The following COL25A1 variants were observed in gnomAD, a reference collection of about 807,000 sequenced individuals.
The protein encoded by COL25A1 is collagen alpha-1(XXV) chain.
COL25A1 carries 103 observed loss-of-function variants against 128.4 expected under a neutral mutation model. The observed-to-expected ratio is 0.80, with a 90% CI of 0.68 to 0.94. The LOEUF is 0.94. Ranked by LOEUF, COL25A1 falls within the 40% of genes least tolerant of loss-of-function variation. The pLI, the probability that COL25A1 is intolerant of heterozygous loss-of-function variation, is 0.00. For synonymous variants in COL25A1, 279 were observed against 277.2 expected (o/e 1.01, Z -0.06); for missense variants, 745 against 840.0 (o/e 0.89, Z 1.40).
intron 6 of COL25A1, among the ~76,000 whole-genome samples, chr4:108,976,675 G>A (rs538848136): frequency 6.6e-6 from 1 of 152,296 alleles, no homozygotes; most frequent in Non-Finnish European, 1.5e-5. Flanking sequence ...CCCCATCCTA[G>A]GGGCCAGTGG....
At chr4:109,170,556 T>A (rs1395708600) in intron 3 of COL25A1, among the ~76,000 whole-genome samples, 1 of 152,006 alleles carries the variant, frequency 6.6e-6, no homozygotes, top group Non-Finnish European at 1.5e-5. Flanking sequence ...AATCTGAACT[T>A]ATTCTAACTC....
intron 3 of COL25A1, among the ~76,000 whole-genome samples, chr4:109,169,781 A>G (rs1773420923): frequency 6.6e-6 from 1 of 152,174 alleles, no homozygotes; most frequent in Admixed American, 6.6e-5. Context: ...TTCCTTCAAA[A>G]GGGAAAAGAG....
chr4:109,136,157 G>A (rs1460392063), intron 3 of COL25A1, among the ~76,000 whole-genome samples: 1 of 152,088 alleles, frequency 6.6e-6, no homozygotes, highest in Non-Finnish European at 1.5e-5. Flanking sequence ...TAGCACTTTG[G>A]GAAGCCAAGG....
intron 3 of COL25A1, among the ~76,000 whole-genome samples, chr4:109,211,305 T>TATATAC (rs1412749318): frequency 1.9e-5 from 1 of 51,402 alleles, no homozygotes; most frequent in Non-Finnish European, 3.1e-5. Context: ...TATATATATA[T>TATATAC]ATATATATAT....
At chr4:108,859,077 G>C (rs995161741) in intron 24 of COL25A1, among the ~76,000 whole-genome samples, 1 of 152,088 alleles carries the variant, frequency 6.6e-6, no homozygotes, top group Non-Finnish European at 1.5e-5. Context: ...TTAATAAGAA[G>C]AAAAGAATTA....
At chr4:109,141,466 AT>A (rs745916281) in intron 3 of COL25A1, among the ~76,000 whole-genome samples, 21 of 152,076 alleles carry the variant, frequency 1.4e-4, no homozygotes, top group Admixed American at 2.6e-4. Flanking sequence ...GTTAGGGGAG[AT>A]TCCTTCTTTT....
rs1306243718 is a variant in COL25A1 at position 108,848,763 on chromosome 4, T to C, written c.1430A>G (p.Glu477Gly). 3.8e-6 allele frequency: 6 copies of C among 1,596,424 alleles called. No homozygotes were observed. In the African/African-American group the frequency reaches 8.0e-5, roughly 21 times the overall value. The change falls in exon 27 of 38, where the codon GAG (glutamate) becomes GGG (glycine). Residue 477 changes from glutamate to glycine, a missense_variant. This residue lies in a region of COL25A1 where 387 missense variants were observed against 441.9 expected (regional missense o/e 0.88). Transcript: ENST00000399132. Reference sequence around the variant, plus strand: ...GTATACATCTTTGAAAATTACCTGCTCTCCATCCATTCCTGGGATTCCTGG... The same window carrying C: ...GTATACATCTTTGAAAATTACCTGCCCTCCATCCATTCCTGGGATTCCTGG... ...GSPGIPGMDG[E>G]QGLKGSKGDM...
intron 3 of COL25A1, among the ~76,000 whole-genome samples, chr4:109,207,820 AAAGTT>A (rs1777135654): frequency 6.6e-6 from 1 of 152,214 alleles, no homozygotes; most frequent in Non-Finnish European, 1.5e-5. Flanking sequence ...CCAAATACTT[AAAGTT>A]ATGTTTTATA....
intron 3 of COL25A1, among the ~76,000 whole-genome samples, chr4:109,177,321 A>T (rs1774195641): frequency 1.3e-5 from 2 of 152,206 alleles, no homozygotes; most frequent in South Asian, 4.1e-4. Context: ...GTTAAAACGT[A>T]GTGTAAACAA....
At chr4:108,932,931 T>C (rs1209568922) in intron 11 of COL25A1, among the ~76,000 whole-genome samples, 1 of 152,178 alleles carries the variant, frequency 6.6e-6, no homozygotes, top group Non-Finnish European at 1.5e-5. Context: ...GCTCTCTCCT[T>C]ATTTAGATGG....
intron 3 of COL25A1, among the ~76,000 whole-genome samples, chr4:109,110,962 C>T (rs1235267460): frequency 6.6e-6 from 1 of 152,144 alleles, no homozygotes; most frequent in African/African-American, 2.4e-5. Flanking sequence ...AAAGAAGTTC[C>T]AGAGTGATCT....
chr4:109,013,754 C>G (rs916219752), intron 5 of COL25A1, among the ~76,000 whole-genome samples: 1 of 152,166 alleles, frequency 6.6e-6, no homozygotes, highest in Non-Finnish European at 1.5e-5. Context: ...ACCACGAACC[C>G]AACCGAAGGA....
chr4:108,893,790 G>T (rs1245648397), intron 16 of COL25A1, among the ~76,000 whole-genome samples: 2 of 152,050 alleles, frequency 1.3e-5, no homozygotes, highest in Non-Finnish European at 2.9e-5. Context: ...TTTCCAACAT[G>T]CTGGAAACAA....
At chr4:109,203,176 A>G (rs1776707989) in intron 3 of COL25A1, among the ~76,000 whole-genome samples, 1 of 152,162 alleles carries the variant, frequency 6.6e-6, no homozygotes, top group Non-Finnish European at 1.5e-5. Flanking sequence ...ACAAAATTAC[A>G]GATAGAAAAA....
intron 3 of COL25A1, among the ~76,000 whole-genome samples, chr4:109,108,185 C>G (rs1391122789): frequency 3.3e-5 from 5 of 152,166 alleles, no homozygotes; most frequent in Non-Finnish European, 7.4e-5. Context: ...TCCGGCTCCC[C>G]CCACCCCACA....
chr4:109,285,299 GAGA>G (rs1723770377), intron 3 of COL25A1, among the ~76,000 whole-genome samples: 1 of 152,122 alleles, frequency 6.6e-6, no homozygotes, highest in Non-Finnish European at 1.5e-5. Flanking sequence ...GCTATATAAA[GAGA>G]AGAATTTCAA....
In COL25A1 at chr4:108,817,433, C is replaced by T. The variant is rs771902612; in HGVS notation, c.1926G>A (p.Gly642=). ...AGCCAGGCATGGGTAAGCCATCTGG[C>T]CCCTGTTTTAAAGAGAAGAAAAAGA... is the stretch of plus-strand genomic sequence containing the variant. ...LDGLDAPCQL[G]PDGLPMPGCW... Residue 642 remains glycine, a splice_region_variant and synonymous_variant, in exon 37 of 38, where the codon GGG becomes GGA. Coordinates refer to ENST00000399132, the MANE Select transcript of COL25A1 (RefSeq NM_198721.4). 3.7e-6 allele frequency: 6 copies of T among 1,612,810 alleles called. No individual in the cohort carries two copies. The highest frequency in any genetic ancestry group is 1.3e-5 in the African/African-American group (1 of 74,854).
chr4:109,068,142 TG>T (rs1762615921), intron 3 of COL25A1, among the ~76,000 whole-genome samples: 1 of 152,212 alleles, frequency 6.6e-6, no homozygotes, highest in Non-Finnish European at 1.5e-5. Flanking sequence ...ATGCTGGACT[TG>T]GGAAACTAAT....
intron 11 of COL25A1, among the ~76,000 whole-genome samples, chr4:108,927,720 T>C (rs1351764494): frequency 6.6e-6 from 1 of 152,180 alleles, no homozygotes; most frequent in African/African-American, 2.4e-5. Context: ...GTGCTGAATT[T>C]TTGAGGAAAA....
Sources: allele counts gnomAD v4.1 joint callset (sites outside exome capture counted in the v4.1 genomes callset), GRCh38; gene constraint gnomAD v4.1.1; regional missense constraint gnomAD v4.1.1; transcripts MANE v1.5; gene names NCBI Gene and HGNC (gene_info 2026-07-23, HGNC 2026-07-21).